BCORL1: variants seen among roughly 807,000 people sequenced by gnomAD.
BCORL1 encodes the protein BCL6 corepressor like 1, also known as BCL-6 corepressor-like protein 1.
Under a neutral mutation model 87.6 loss-of-function variants are expected in BCORL1, and 7 were observed. The ratio of observed to expected loss-of-function variants is 0.08; its 90% CI spans 0.05 to 0.15. The LOEUF (loss-of-function observed/expected upper bound fraction) is 0.15. Ranked by LOEUF, BCORL1 falls within the 10% of genes least tolerant of loss-of-function variation. The pLI is 1.00. For missense variants in BCORL1, 1,215 were observed against 1,499.7 expected, an observed-to-expected ratio of 0.81 and a Z score of 3.13; for synonymous variants, 591 against 634.4, an observed-to-expected ratio of 0.93 and a Z score of 1.03.
At chrX:129,982,319 T>C, upstream of BCORL1, among the ~76,000 whole-genome samples, 1 of 111,269 alleles carries the variant, frequency 9.0e-6, no homozygotes, top group Middle Eastern at 4.6e-3. Context: ...CGGAATCCGC[T>C]CGGTCCTCTC....
At chrX:129,985,573 A>G (rs1295021079) in intron 1 of BCORL1, among the ~76,000 whole-genome samples, 1 of 112,133 alleles carries the variant, frequency 8.9e-6, no homozygotes, top group African/African-American at 3.2e-5. Context: ...GCGAAAAGTT[A>G]GTAGCAAAGA....
intron 4 of BCORL1, among the ~76,000 whole-genome samples, chrX:130,019,023 A>G (rs1254347343): frequency 8.9e-6 from 1 of 112,212 alleles, no homozygotes; most frequent in Non-Finnish European, 1.9e-5. Flanking sequence ...ACCAGCAAAG[A>G]GAGAGAGTTC....
At chrX:130,038,841 A>G (rs993293575) in intron 10 of BCORL1, among the ~76,000 whole-genome samples, 3 of 111,445 alleles carry the variant, frequency 2.7e-5, no homozygotes, top group African/African-American at 9.8e-5. Context: ...TGAACTCCAC[A>G]ACTACCAATA....
rs1276358412 is a variant in BCORL1, at chrX:130,005,255, C to T, written c.24C>T (p.Tyr8=). 1.7e-6 allele frequency: 2 copies of T among 1,210,124 alleles called. No homozygotes were observed. Among genetic ancestry groups the T allele is most frequent in the South Asian group, 1.8e-5 (1 of 56,832 alleles). Residue 8 remains tyrosine, a synonymous_variant, in exon 2 of 14, where the codon TAC becomes TAT. Transcript: ENST00000540052. ...TCATGATCTCTACAGCACCGCTCTA[C>T]AGCGGCGTGCACAACTGGACCAGTT... MISTAPL[Y]SGVHNWTSSD... is the part of the protein sequence containing the mutation.
chrX:130,005,556 A>G (rs1437038129), intron 2 of BCORL1, among the ~76,000 whole-genome samples: 1 of 111,654 alleles, frequency 9.0e-6, no homozygotes, highest in East Asian at 2.8e-4. Context: ...GCCAGCTAGC[A>G]CTTGTCTACT....
chrX:130,014,275 T>C lies in BCORL1; in HGVS notation c.1503T>C (p.Ser501=), dbSNP rs1000670725. ...PGVLASPELR[S]YPYAFSVARP... ...TGCTAGCCTCCCCCGAGCTCCGTTC[T>C]TACCCGTATGCATTTTCTGTGGCCC... Residue 501 remains serine (S), a synonymous_variant, in exon 4 of 14, where the codon TCT becomes TCC. Transcript: ENST00000540052. 9.1e-6 allele frequency: 11 copies of C among 1,208,914 alleles called. No homozygotes were observed. Among genetic ancestry groups the C allele is most frequent in the Admixed American group, 8.8e-5 (4 of 45,630 alleles).
intron 7 of BCORL1, among the ~76,000 whole-genome samples, chrX:130,025,951 T>G (rs745854507): frequency 9.0e-6 from 1 of 111,316 alleles, no homozygotes; most frequent in East Asian, 2.8e-4. Flanking sequence ...TAGCATCATT[T>G]TTGTTGGACC....
rs370367328 is a variant in BCORL1, at chrX:129,989,436, G to A, written c.-45+6674G>A. ...GCTGGGATTACAGGCGTGAGCCACC[G>A]CACCCGTCTTTTTTTTTTTTTTTTT... On this transcript the variant is annotated intron_variant, in intron 1 of 13. Transcript: ENST00000540052. Among the ~76,000 whole-genome samples, 247 of 65,643 alleles carry A rather than the reference G, an allele frequency of 3.8e-3. 3 individuals are homozygous for A. Among genetic ancestry groups the A allele is most frequent in the African/African-American group, 0.014 (230 of 15,950 alleles). The allele number at this position is 65,643 out of a possible 115,157, so 57.0% of individuals were successfully genotyped here.
chrX:130,036,651 C>G (rs1295406230), intron 9 of BCORL1, among the ~76,000 whole-genome samples: 2 of 112,473 alleles, frequency 1.8e-5, no homozygotes, highest in East Asian at 5.6e-4. Flanking sequence ...AGGGATAGTC[C>G]TTAAAACAAT....
At chrX:129,987,239 T>C (rs945152741) in intron 1 of BCORL1, among the ~76,000 whole-genome samples, 1 of 111,590 alleles carries the variant, frequency 9.0e-6, no homozygotes, top group Non-Finnish European at 1.9e-5. Context: ...GAAACTGGCA[T>C]TTAGAGAGAA....
chrX:130,053,007 G>A (rs970281229), intron 13 of BCORL1, among the ~76,000 whole-genome samples: 1 of 111,454 alleles, frequency 9.0e-6, no homozygotes, highest in African/African-American at 3.3e-5. Context: ...GGGCATGGTG[G>A]CGGGTGCCTG....
upstream of BCORL1, chrX:129,980,984 G>C (rs111340470): frequency 9.2e-3 from 1,007 of 109,891 alleles, 2 homozygotes; most frequent in Middle Eastern, 0.029. Flanking sequence ...AAGGTAGATC[G>C]GCGGGGCCGC....
chrX:129,984,523 C>T (rs1926442039), intron 1 of BCORL1, among the ~76,000 whole-genome samples: 1 of 111,306 alleles, frequency 9.0e-6, no homozygotes, highest in Admixed American at 9.3e-5. Flanking sequence ...CCTGCAGGGG[C>T]GCCAAGAGGC....
intron 11 of BCORL1, among the ~76,000 whole-genome samples, chrX:130,044,889 A>G (rs1931650442): frequency 8.9e-6 from 1 of 112,778 alleles, no homozygotes; most frequent in Admixed American, 9.4e-5. Flanking sequence ...CAGAAGATAG[A>G]TAATTCATCT....
chrX:130,036,884 G>A (rs1469404100), intron 9 of BCORL1, among the ~76,000 whole-genome samples: 2 of 112,009 alleles, frequency 1.8e-5, no homozygotes, highest in Non-Finnish European at 1.9e-5. Context: ...GGTGGCTCAC[G>A]CCTGTAACCC....
At chrX:130,036,307 C>CTGGA (rs1392104456) in intron 9 of BCORL1, among the ~76,000 whole-genome samples, 1 of 108,417 alleles carries the variant, frequency 9.2e-6, no homozygotes, top group Non-Finnish European at 1.9e-5. Context: ...GTCACCTAGG[C>CTGGA]TGGAGTGCAA....
At chrX:130,054,738 C>A (rs1024256707) in intron 13 of BCORL1, among the ~76,000 whole-genome samples, 7 of 109,938 alleles carry the variant, frequency 6.4e-5, no homozygotes, top group Non-Finnish European at 1.3e-4. Context: ...ATGGTGAAAC[C>A]CCATCTCTAC....
intron 11 of BCORL1, among the ~76,000 whole-genome samples, chrX:130,041,829 A>G (rs1443416362): frequency 4.5e-5 from 5 of 110,780 alleles, no homozygotes; most frequent in Non-Finnish European, 3.8e-5. Flanking sequence ...GGGTTTCACC[A>G]TGTTAGCCAG....
Position 130,037,541 on chromosome X carries a change from G to A in BCORL1, c.4694+8G>A, listed in dbSNP as rs370225330. 2 of 1,197,984 alleles carry A rather than the reference G, an allele frequency of 1.7e-6. No homozygotes were observed. The highest frequency in any genetic ancestry group is 2.3e-6 in the Non-Finnish European group (2 of 886,738). On this transcript the variant is annotated splice_region_variant and intron_variant, in intron 10 of 13. Transcript: ENST00000540052. ...TGCGCAGGACGGCACGAGGCAAGAG[G>A]GCTGCATCTCCCCCCAGTCCCGCCC... is the stretch of plus-strand genomic sequence containing the variant.
Sources: allele counts gnomAD v4.1 joint callset (sites outside exome capture counted in the v4.1 genomes callset), GRCh38; gene constraint gnomAD v4.1.1; transcripts MANE v1.5; gene names NCBI Gene and HGNC (gene_info 2026-07-23, HGNC 2026-07-21).